Variants in RSBN1L observed in about 807,000 individuals in gnomAD.
RSBN1L encodes round spermatid basic protein 1 like.
A neutral mutation model predicts 67.7 loss-of-function variants in RSBN1L; 30 were observed. The observed-to-expected ratio is 0.44, with a 90% CI of 0.33 to 0.60. The LOEUF (loss-of-function observed/expected upper bound fraction) is 0.60. RSBN1L is among the 20% of genes least tolerant of loss of function. RSBN1L has a pLI of 0.02. For missense variants in RSBN1L, 992 were observed against 1,031.7 expected (o/e 0.96, Z 0.53); for synonymous variants, 433 against 387.0 (o/e 1.12, Z -1.39).
intron 1 of RSBN1L, among the ~76,000 whole-genome samples, chr7:77,707,348 T>C (rs886311888): frequency 1.3e-5 from 2 of 152,160 alleles, no homozygotes; most frequent in African/African-American, 2.4e-5. Context: ...ATAAAGTCCT[T>C]CAGAGCAGGT....
intron 1 of RSBN1L, among the ~76,000 whole-genome samples, chr7:77,702,420 A>G (rs1439102540): frequency 6.6e-6 from 1 of 151,726 alleles, no homozygotes; most frequent in Non-Finnish European, 1.5e-5. Context: ...TCTCCCTATT[A>G]TTTTTGGTTT....
chr7:77,753,891 G>C (rs1791585040), intron 3 of RSBN1L, among the ~76,000 whole-genome samples: 1 of 152,172 alleles, frequency 6.6e-6, no homozygotes, highest in Admixed American at 6.5e-5. Flanking sequence ...AAAAGACCCA[G>C]CATCATTTAT....
At position 77,778,703 on chromosome 7, in the gene RSBN1L, A is replaced by G; in HGVS notation, c.2076A>G (p.Leu692=). 2 of 1,614,108 alleles carry G rather than the reference A, an allele frequency of 1.2e-6. No individual in the cohort carries two copies. The highest frequency in any genetic ancestry group is 1.7e-6 in the Non-Finnish European group (2 of 1,180,000). Residue 692 remains leucine (L), a synonymous_variant, in exon 8 of 8, where the codon TTA becomes TTG. Coordinates refer to ENST00000334955, the MANE Select transcript of RSBN1L (RefSeq NM_198467.3). ...CSLAWHIRLK[L]YHSEEDTSQN... ...TAGCATGGCATATTCGGCTCAAATT[A>G]TATCACTCAGAGGAGGACACTTCTC... is the stretch of plus-strand genomic sequence containing the variant.
At chr7:77,719,091 G>A (rs888510295) in intron 1 of RSBN1L, among the ~76,000 whole-genome samples, 6 of 152,164 alleles carry the variant, frequency 3.9e-5, no homozygotes, top group Admixed American at 3.9e-4. Flanking sequence ...GGTGGAAACA[G>A]CAAGTCTTCT....
chr7:77,702,314 C>T (rs1413268108), intron 1 of RSBN1L, among the ~76,000 whole-genome samples: 2 of 152,148 alleles, frequency 1.3e-5, no homozygotes, highest in African/African-American at 4.8e-5. Flanking sequence ...TCCTTTGTTT[C>T]AGTATTATAG....
At chr7:77,744,012 C>T (rs1378251286) in intron 2 of RSBN1L, among the ~76,000 whole-genome samples, 3 of 152,052 alleles carry the variant, frequency 2.0e-5, no homozygotes, top group Non-Finnish European at 4.4e-5. Context: ...AGGCATCAGC[C>T]ACCATGTCTG....
chr7:77,700,436 G>A (rs118011229), intron 1 of RSBN1L, among the ~76,000 whole-genome samples: 2,818 of 152,274 alleles, frequency 0.019, 38 homozygotes, highest in Middle Eastern at 0.071. Context: ...CAAAACCAGA[G>A]CATTTCACTG....
At chr7:77,756,913 A>G (rs1791627753) in intron 3 of RSBN1L, among the ~76,000 whole-genome samples, 1 of 152,222 alleles carries the variant, frequency 6.6e-6, no homozygotes, top group Non-Finnish European at 1.5e-5. Flanking sequence ...GAAGCTGCGC[A>G]CTGCAGCCAT....
At chr7:77,713,372 T>A (rs1030573053) in intron 1 of RSBN1L, among the ~76,000 whole-genome samples, 1 of 151,786 alleles carries the variant, frequency 6.6e-6, no homozygotes, top group African/African-American at 2.4e-5. Flanking sequence ...TTTTTTTTCC[T>A]TTGAGACAGA....
At chr7:77,752,567 C>T (rs1332155812) in intron 3 of RSBN1L, among the ~76,000 whole-genome samples, 3 of 152,164 alleles carry the variant, frequency 2.0e-5, no homozygotes, top group South Asian at 2.1e-4. Context: ...TTCTATTTCT[C>T]ATCCCTGGAG....
rs373320639 is a variant in RSBN1L at position 77,768,681 on chromosome 7, G to A, written c.1503G>A (p.Thr501=). The change falls in exon 5 of 8, where the codon ACG becomes ACA. Residue 501 remains threonine, a synonymous_variant. Transcript: ENST00000334955. ...PFLKCTLPWG[T]LSSLKLQSRK... is the part of the protein sequence containing the mutation. Reference sequence around the variant, plus strand: ...TCCAGTGTACACTGCCATGGGGGACGCTATCTAGTCTAAAATTACAGAGTC... The same window carrying A: ...TCCAGTGTACACTGCCATGGGGGACACTATCTAGTCTAAAATTACAGAGTC... The A allele has an allele frequency of 1.2e-6, 2 of 1,613,532 alleles. No individual in the cohort carries two copies. Among genetic ancestry groups the A allele is most frequent in the East Asian group, 2.2e-5 (1 of 44,872 alleles).
chr7:77,730,010 C>T (rs1791254025), intron 1 of RSBN1L, among the ~76,000 whole-genome samples: 1 of 152,222 alleles, frequency 6.6e-6, no homozygotes, highest in Non-Finnish European at 1.5e-5. Flanking sequence ...TATGTGTGGG[C>T]TAAACACATA....
intron 2 of RSBN1L, among the ~76,000 whole-genome samples, chr7:77,742,314 A>G (rs1791424641): frequency 1.3e-5 from 2 of 152,114 alleles, no homozygotes; most frequent in South Asian, 4.1e-4. Context: ...AATTTCTGAA[A>G]GAAACTAGGC....
chr7:77,732,125 A>G lies in RSBN1L; in HGVS notation c.587-4285A>G, dbSNP rs190349448. On this transcript the variant is annotated intron_variant, in intron 1 of 7. Coordinates refer to ENST00000334955, the MANE Select transcript of RSBN1L (RefSeq NM_198467.3). ...AATTCTTACTTTTATTCTGAGAATT[A>G]TGATGAGAAGATCAGTTACGAATTT... Among the ~76,000 whole-genome samples, 21 of 152,350 alleles carry G rather than the reference A, an allele frequency of 1.4e-4. No homozygotes were observed. The East Asian group carries it at 4.0e-3, about 29-fold the overall frequency.
At position 77,779,184 on chromosome 7, in the gene RSBN1L, C is replaced by A. The variant is rs1430472712; in HGVS notation, c.*16C>A. The stretch of plus-strand genomic sequence containing the variant: ...TTTGTGCTAAATTTGCATATACCAT[C>A]TAAAATCCTTTTTTAAAAAAATTTA... On this transcript the variant is annotated 3_prime_UTR_variant, in exon 8 of 8. Transcript: ENST00000334955. The A allele has an allele frequency of 5.9e-6, 9 of 1,530,796 alleles. No individual in the cohort carries two copies. In the African/African-American group the frequency reaches 7.0e-5, roughly 12 times the overall value. The allele number at this position is 1,530,796 out of a possible 1,614,324, so 94.8% of individuals were successfully genotyped here. A position where few individuals can be genotyped will look rare whatever the true frequency, so the allele number is the denominator to read the frequency against.
chr7:77,725,857 T>G (rs1301847379), intron 1 of RSBN1L, among the ~76,000 whole-genome samples: 2 of 152,210 alleles, frequency 1.3e-5, no homozygotes, highest in Non-Finnish European at 2.9e-5. Context: ...GTGCTGGGAT[T>G]ACAGGCAAGA....
intron 1 of RSBN1L, among the ~76,000 whole-genome samples, chr7:77,702,036 G>GCTCCCTGCAACCTCTGC (rs1790825501): frequency 6.6e-6 from 1 of 152,018 alleles, no homozygotes; most frequent in Non-Finnish European, 1.5e-5. Context: ...TGCAGTTTTG[G>GCTCCCTGCAACCTCTGC]CTCCCTGCAA....
chr7:77,718,299 G>A (rs1389592760), intron 1 of RSBN1L, among the ~76,000 whole-genome samples: 2 of 152,068 alleles, frequency 1.3e-5, no homozygotes, highest in African/African-American at 4.8e-5. Context: ...TAATATATCA[G>A]TGTATTTTGT....
chr7:77,734,340 T>C (rs1463434624), intron 1 of RSBN1L, among the ~76,000 whole-genome samples: 1 of 152,172 alleles, frequency 6.6e-6, no homozygotes, highest in Admixed American at 6.5e-5. Flanking sequence ...TAAGATTAAA[T>C]TGAATTATTG....
Sources: gnomAD v4.1 joint callset for allele counts (sites outside exome capture counted in the v4.1 genomes callset) on GRCh38, gnomAD v4.1.1 for gene constraint, MANE v1.5 for transcripts, NCBI Gene and HGNC (gene_info 2026-07-23, HGNC 2026-07-21) for gene names.